Variants in ARHGEF37 observed in about 807,000 individuals in gnomAD.
ARHGEF37 encodes Rho guanine nucleotide exchange factor 37.
In ARHGEF37, 55 loss-of-function variants were observed where a neutral mutation model predicts 71.1. The ratio of observed to expected loss-of-function variants is 0.77; its 90% CI spans 0.62 to 0.97. ARHGEF37 has a LOEUF of 0.97. ARHGEF37 is among the 50% of genes least tolerant of loss of function. ARHGEF37 has a pLI of 0.00. For missense variants in ARHGEF37, 765 were observed against 836.8 expected, an observed-to-expected ratio of 0.91 and a Z score of 1.06; for synonymous variants, 327 against 350.6, an observed-to-expected ratio of 0.93 and a Z score of 0.75.
In ARHGEF37 at chr5:149,619,022, G is replaced by C; in HGVS notation, c.874G>C (p.Ala292Pro). The change falls in exon 7 of 13, where the codon GCT (alanine) becomes CCT (proline). Residue 292 changes from alanine (A) to proline (P), a missense_variant. Coordinates refer to ENST00000333677, the MANE Select transcript of ARHGEF37 (RefSeq NM_001001669.3). The stretch of plus-strand genomic sequence containing the variant: ...GACTGAGCTGAAGAACAACGTGGCT[G>C]CTTACCTGGACAATCTGCAGGTGAG... ...CVTELKNNVA[A>P]YLDNLQAFLY... 6.2e-7 allele frequency: 1 copy of C among 1,614,164 alleles called. No homozygotes were observed. The highest frequency in any genetic ancestry group is 2.2e-5 in the East Asian group (1 of 44,890).
chr5:149,629,015 C>A (rs774090071), intron 12 of ARHGEF37, 49 bp downstream of exon 12: 1 of 1,569,806 alleles, frequency 6.4e-7, no homozygotes, highest in East Asian at 2.3e-5. Context: ...GCCATCCGGA[C>A]TGTGGCTTGG....
chr5:149,610,522 T>TA (rs1764048174), intron 4 of ARHGEF37, among the ~76,000 whole-genome samples: 2 of 152,156 alleles, frequency 1.3e-5, no homozygotes. Flanking sequence ...TTTTTTACAG[T>TA]AAAAAATATC....
At chr5:149,575,003 ATAT>A (rs1369938362) in intron 1 of ARHGEF37, among the ~76,000 whole-genome samples, 10 of 152,156 alleles carry the variant, frequency 6.6e-5, no homozygotes, top group African/African-American at 2.4e-4. Context: ...GAATTAAATA[ATAT>A]TATGCTGTTC....
chr5:149,554,152 A>G (rs1762720855), intron 1 of ARHGEF37, among the ~76,000 whole-genome samples: 1 of 151,908 alleles, frequency 6.6e-6, no homozygotes, highest in Non-Finnish European at 1.5e-5. Flanking sequence ...TGGGCAAGAG[A>G]GTGAGACTTT....
intron 3 of ARHGEF37, among the ~76,000 whole-genome samples, chr5:149,605,607 T>G (rs1351985249): frequency 1.3e-5 from 2 of 152,218 alleles, no homozygotes; most frequent in African/African-American, 2.4e-5. Flanking sequence ...CCACAAGCTC[T>G]TTCCTTTCTG....
Position 149,632,798 on chromosome 5 carries a change from C to T in ARHGEF37, c.*607C>T, listed in dbSNP as rs1184365117. On this transcript the variant is annotated 3_prime_UTR_variant, in exon 13 of 13. Coordinates refer to ENST00000333677, the MANE Select transcript of ARHGEF37 (RefSeq NM_001001669.3). ...GAGGTTCCCAAGACTCTTGACTGGT[C>T]CTGGGAGTGGGTGTGACCAAGTCAT... 6.4e-6 allele frequency: 1 copy of T among 155,122 alleles called. No homozygotes were observed. The allele number at this position is 155,122 out of a possible 1,614,324, so 9.6% of individuals were successfully genotyped here. A position where few individuals can be genotyped will look rare whatever the true frequency, so the allele number is the denominator to read the frequency against.
intron 4 of ARHGEF37, among the ~76,000 whole-genome samples, chr5:149,613,575 G>T (rs1467792653): frequency 1.3e-5 from 2 of 151,992 alleles, no homozygotes; most frequent in African/African-American, 4.8e-5. Context: ...TTGATTTCTT[G>T]ACCTCGTGAT....
Position 149,628,957 on chromosome 5 carries a change from C to T in ARHGEF37, c.1809C>T (p.Thr603=), listed in dbSNP as rs201724935. ...CAGCTCTAGTGCCCTCTATTCCCACCATGAACCAGGTGAGTATAGGAGAGG... is the reference window on the plus strand; with the variant it reads ...CAGCTCTAGTGCCCTCTATTCCCACTATGAACCAGGTGAGTATAGGAGAGG... The part of the protein sequence containing the change: ...PSPALVPSIP[T]MNQVIAAYPF... Residue 603 remains threonine (T), a synonymous_variant, in exon 12 of 13, where the codon ACC becomes ACT. Transcript: ENST00000333677. 3.0e-5 allele frequency: 48 copies of T among 1,612,260 alleles called. No individual in the cohort carries two copies. The highest frequency in any genetic ancestry group is 3.7e-5 in the Non-Finnish European group (44 of 1,179,828).
chr5:149,604,843 C>T (rs1217682814), intron 3 of ARHGEF37, among the ~76,000 whole-genome samples: 9 of 151,610 alleles, frequency 5.9e-5, no homozygotes, highest in Non-Finnish European at 1.0e-4. Context: ...CCACCACGCC[C>T]GGCTAATTTT....
At chr5:149,621,205 G>A (rs1019399855) in intron 8 of ARHGEF37, among the ~76,000 whole-genome samples, 2 of 152,192 alleles carry the variant, frequency 1.3e-5, no homozygotes, top group Non-Finnish European at 2.9e-5. Context: ...GCTTATGCCT[G>A]TAATCCCAGC....
chr5:149,587,894 CTTTTT>C (rs3994917), intron 1 of ARHGEF37, among the ~76,000 whole-genome samples: 8 of 129,136 alleles, frequency 6.2e-5, no homozygotes, highest in Non-Finnish European at 8.1e-5. Flanking sequence ...TCCCTTTAGT[CTTTTT>C]TTTTTTTTTT....
intron 3 of ARHGEF37, among the ~76,000 whole-genome samples, chr5:149,607,986 T>C (rs980020959): frequency 2.0e-5 from 3 of 152,066 alleles, no homozygotes; most frequent in African/African-American, 7.2e-5. Context: ...GCCAGGATGG[T>C]CTCAATCTCC....
In ARHGEF37 at chr5:149,619,059, G is replaced by A. The variant is rs748039067; in HGVS notation, c.894+17G>A. ...AATCTGCAGGTGAGGACACTGCAGGGTTCATAAAGGGCGAGTCTGGGCTGG... is the reference window on the plus strand; with the variant it reads ...AATCTGCAGGTGAGGACACTGCAGGATTCATAAAGGGCGAGTCTGGGCTGG... On this transcript the variant is annotated intron_variant, in intron 7 of 12. Transcript: ENST00000333677. 1.9e-6 allele frequency: 3 copies of A among 1,602,132 alleles called. No homozygotes were observed. The South Asian group carries it at 3.3e-5, about 18-fold the overall frequency.
chr5:149,563,859 C>G (rs1337998486), intron 1 of ARHGEF37, among the ~76,000 whole-genome samples: 2 of 151,806 alleles, frequency 1.3e-5, no homozygotes. Flanking sequence ...GTTTTAGAAC[C>G]TTTCTTCTAA....
At position 149,621,971 on chromosome 5, in the gene ARHGEF37, A is replaced by G. The variant is rs1752557935; in HGVS notation, c.1244A>G (p.Gln415Arg). The stretch of plus-strand genomic sequence containing the variant: ...CCACAGTTTAACCAGCTGGTCATGC[A>G]GTGGCTGGGCCAGATCATGTGCACA... ...ELPQFNQLVM[Q>R]WLGQIMCTFV... The change falls in exon 9 of 13, where the codon CAG (glutamine) becomes CGG (arginine). Residue 415 changes from glutamine (Q) to arginine (R), a missense_variant. By Grantham distance (43) the Gln-to-Arg change is conservative. This residue lies in a region of ARHGEF37 where 390 missense variants were observed against 407.4 expected (regional missense o/e 0.96). Coordinates refer to ENST00000333677, the MANE Select transcript of ARHGEF37 (RefSeq NM_001001669.3). The G allele has an allele frequency of 2.5e-6, 4 of 1,614,226 alleles. No homozygotes were observed. Among genetic ancestry groups the G allele is most frequent in the Non-Finnish European group, 3.4e-6 (4 of 1,180,036 alleles).
At chr5:149,583,397 A>G (rs1330671327) in intron 1 of ARHGEF37, among the ~76,000 whole-genome samples, 2 of 152,198 alleles carry the variant, frequency 1.3e-5, no homozygotes, top group Admixed American at 6.5e-5. Context: ...CGGCCTCCCA[A>G]AGTGCTGGGA....
chr5:149,631,946 C>G, intron 12 of ARHGEF37, 36 bp from the exon 13 acceptor site: 1 of 1,605,790 alleles, frequency 6.2e-7, no homozygotes, highest in African/African-American at 1.3e-5. Context: ...ACCTTCTCAC[C>G]CTGACCATTT....
At chr5:149,627,019 C>A (rs1421418208) in intron 10 of ARHGEF37, 57 bp from the exon 11 acceptor site, 1 of 1,523,706 alleles carries the variant, frequency 6.6e-7, no homozygotes, top group Non-Finnish European at 8.9e-7. Context: ...AATGTTGGTG[C>A]CAGCTTTGAC....
chr5:149,609,814 G>A, intron 4 of ARHGEF37, 119 bp downstream of exon 4: 15 of 1,398,998 alleles, frequency 1.1e-5, no homozygotes, highest in Non-Finnish European at 1.2e-5. Context: ...CTCTGTCAGA[G>A]CCTGTGTTAG....
Sources: allele counts gnomAD v4.1 joint callset (sites outside exome capture counted in the v4.1 genomes callset), GRCh38; gene constraint gnomAD v4.1.1; regional missense constraint gnomAD v4.1.1; transcripts MANE v1.5; gene names NCBI Gene and HGNC (gene_info 2026-07-23, HGNC 2026-07-21).